Variants in COL4A5 observed in about 807,000 individuals in gnomAD.
The protein encoded by COL4A5 is collagen alpha-5(IV) chain.
Under a neutral mutation model 130.2 loss-of-function variants are expected in COL4A5, and 26 were observed. The ratio of observed to expected loss-of-function variants is 0.20; its 90% CI spans 0.15 to 0.28. COL4A5 has a LOEUF of 0.28. Among genes scored for constraint, COL4A5 ranks in the 10% least tolerant of loss-of-function variants. COL4A5 has a pLI of 1.00. For synonymous variants in COL4A5, 496 were observed against 439.6 expected (o/e 1.13, Z -1.60); for missense variants, 1,131 against 1,344.3 (o/e 0.84, Z 2.48).
chrX:108,560,914 C>T (rs2065890777), intron 3 of COL4A5, among the ~76,000 whole-genome samples: 1 of 111,287 alleles, frequency 9.0e-6, no homozygotes, highest in Non-Finnish European at 1.9e-5. Context: ...TAAATTGCCA[C>T]CACCATCGAG....
chrX:108,461,381 T>C (rs927731371), intron 1 of COL4A5, among the ~76,000 whole-genome samples: 7 of 111,706 alleles, frequency 6.3e-5, no homozygotes, highest in Non-Finnish European at 1.3e-4. Flanking sequence ...CAAAGGTAGG[T>C]TCAAAATCAG....
Position 108,632,950 on chromosome X carries a change from G to A in COL4A5, c.3246+6601G>A, listed in dbSNP as rs151069630. ...AGGAATGCCCTCTCTCACTACTCCT[G>A]TTCAACATAGTGTTGGAAGTTCTGG... On this transcript the variant is annotated intron_variant, in intron 36 of 52. Coordinates refer to ENST00000328300, the MANE Select transcript of COL4A5 (RefSeq NM_033380.3). Among the ~76,000 whole-genome samples the A allele has an allele frequency of 1.1e-4, 12 of 111,564 alleles. No homozygotes were observed. In the East Asian group the frequency reaches 3.1e-3, roughly 29 times the overall value.
In COL4A5 at chrX:108,667,116, G is replaced by A. The variant is rs2068097424; in HGVS notation, c.3554-17G>A. The A allele has an allele frequency of 8.3e-7, 1 of 1,207,342 alleles. No individual in the cohort carries two copies. Among genetic ancestry groups the A allele is most frequent in the Admixed American group, 2.2e-5 (1 of 45,647 alleles). Reference sequence around the variant, plus strand: ...TCCACTTGAGTTTTTGTTTTGTTTTGTTTTGTACTCTGACAGGTCAACCAG... The same window carrying A: ...TCCACTTGAGTTTTTGTTTTGTTTTATTTTGTACTCTGACAGGTCAACCAG... On this transcript the variant is annotated splice_polypyrimidine_tract_variant and intron_variant, in intron 39 of 52. Transcript: ENST00000328300.
intron 1 of COL4A5, among the ~76,000 whole-genome samples, chrX:108,510,501 G>A (rs892031910): frequency 6.4e-5 from 7 of 109,535 alleles, no homozygotes; most frequent in Non-Finnish European, 1.3e-4. Flanking sequence ...GGCCAGAAGG[G>A]ATGACAGAAT....
intron 16 of COL4A5, among the ~76,000 whole-genome samples, chrX:108,582,051 A>G (rs917868776): frequency 5.4e-5 from 6 of 110,961 alleles, no homozygotes; most frequent in African/African-American, 2.0e-4. Context: ...CAGAGAGAAT[A>G]TTTGATGAAA....
chrX:108,694,355 A>C (rs1301919554), intron 50 of COL4A5: 7 of 161,345 alleles, frequency 4.3e-5, no homozygotes, highest in Non-Finnish European at 1.2e-5. Flanking sequence ...CTTTGGACCA[A>C]GAATAATGAG....
At chrX:108,512,615 C>A (rs922862405) in intron 1 of COL4A5, among the ~76,000 whole-genome samples, 5 of 110,601 alleles carry the variant, frequency 4.5e-5, no homozygotes, top group Non-Finnish European at 7.6e-5. Flanking sequence ...GCCCCACAAG[C>A]CGCAAAACCA....
At chrX:108,600,378 T>C (rs999799988) in intron 25 of COL4A5, among the ~76,000 whole-genome samples, 15 of 108,710 alleles carry the variant, frequency 1.4e-4, no homozygotes, top group Non-Finnish European at 1.5e-4. Flanking sequence ...GGTTAGTGCT[T>C]TTTGTGTCAT....
At chrX:108,689,537 GC>G in intron 49 of COL4A5, 1 of 754,198 alleles carries the variant, frequency 1.3e-6, no homozygotes, top group Non-Finnish European at 1.6e-6. Flanking sequence ...TACAGTTTAG[GC>G]CTCAGACACA....
At chrX:108,517,224 C>T (rs748744555) in intron 1 of COL4A5, among the ~76,000 whole-genome samples, 15 of 110,672 alleles carry the variant, frequency 1.4e-4, no homozygotes, top group Admixed American at 3.9e-4. Flanking sequence ...AGATTTTCTT[C>T]CCAAGGTTTC....
In COL4A5 at chrX:108,531,178, G is replaced by GA. The variant is rs760336375; in HGVS notation, c.82-8566dup. Among the ~76,000 whole-genome samples the GA allele has an allele frequency of 5.8e-3, 478 of 82,923 alleles. 1 individual carries two copies. The highest frequency in any genetic ancestry group is 8.4e-3 in the Non-Finnish European group (370 of 44,002). 72.0% of individuals were successfully genotyped at this position (82,923 alleles called of 115,157 possible). On this transcript the variant is annotated intron_variant, in intron 1 of 52. Transcript: ENST00000328300. ...GAACAATGAGAACACATGGACACAG[G>GA]AAGGGGAACATCACACTCTGGGGAC...
At chrX:108,536,520 A>G (rs1170665739) in intron 1 of COL4A5, among the ~76,000 whole-genome samples, 1 of 111,118 alleles carries the variant, frequency 9.0e-6, no homozygotes, top group Admixed American at 9.6e-5. Context: ...ATATGAACTT[A>G]GCCTTTTAGA....
At chrX:108,459,813 G>C (rs1383333183) in intron 1 of COL4A5, among the ~76,000 whole-genome samples, 1 of 111,689 alleles carries the variant, frequency 9.0e-6, no homozygotes, top group Non-Finnish European at 1.9e-5. Context: ...TTCTAATCTT[G>C]CCTGTGAAGT....
At chrX:108,572,114 C>T (rs189147207) in intron 8 of COL4A5, among the ~76,000 whole-genome samples, 2 of 111,650 alleles carry the variant, frequency 1.8e-5, no homozygotes, top group East Asian at 5.6e-4. Flanking sequence ...CAGTTAACCA[C>T]TTACTCTCTG....
chrX:108,526,673 CTT>C (rs2065326778), intron 1 of COL4A5, among the ~76,000 whole-genome samples: 4 of 17,248 alleles, frequency 2.3e-4, no homozygotes, highest in African/African-American at 7.3e-4. Context: ...CTTTCTTTCT[CTT>C]TCTTTCTTTC....
At chrX:108,513,747 T>C (rs757523405) in intron 1 of COL4A5, among the ~76,000 whole-genome samples, 1 of 111,481 alleles carries the variant, frequency 9.0e-6, no homozygotes, top group East Asian at 2.8e-4. Flanking sequence ...TTGTGGTTTT[T>C]CCTGTCTTTG....
intron 13 of COL4A5, 42 bp from the exon 14 acceptor site, chrX:108,580,491 T>C (rs1183559904): frequency 9.2e-7 from 1 of 1,090,121 alleles, no homozygotes; most frequent in South Asian, 1.8e-5. Context: ...AAATGCATGT[T>C]CCAGTATTAA....
chrX:108,670,094 T>C, intron 41 of COL4A5, 134 bp from the exon 42 acceptor site: 5 of 705,690 alleles, frequency 7.1e-6, no homozygotes, highest in Non-Finnish European at 8.5e-6. Flanking sequence ...GAGTATTCTT[T>C]TATTGAAATG....
At chrX:108,537,174 G>T (rs981904658) in intron 1 of COL4A5, among the ~76,000 whole-genome samples, 3 of 110,822 alleles carry the variant, frequency 2.7e-5, no homozygotes, top group Non-Finnish European at 5.7e-5. Flanking sequence ...TCAAACTGGG[G>T]CTATCTCCTT....
Sources: gnomAD v4.1 joint callset for allele counts (sites outside exome capture counted in the v4.1 genomes callset) on GRCh38, gnomAD v4.1.1 for gene constraint, MANE v1.5 for transcripts, NCBI Gene and HGNC (gene_info 2026-07-23, HGNC 2026-07-21) for gene names.